The following JMJD7 variants were observed in gnomAD, a reference collection of about 807,000 sequenced individuals.
The protein encoded by JMJD7 is bifunctional peptidase and (3S)-lysyl hydroxylase JMJD7.
Under a neutral mutation model 41.1 loss-of-function variants are expected in JMJD7, and 41 were observed. The observed-to-expected ratio is 1.00, with a 90% CI of 0.78 to 1.30. JMJD7 has a LOEUF of 1.30. JMJD7 is among the 50% of genes most tolerant of loss of function. JMJD7 has a pLI of 0.00. For synonymous variants in JMJD7, 202 were observed against 177.2 expected, an observed-to-expected ratio of 1.14 and a Z score of -1.11; for missense variants, 480 against 420.7, an observed-to-expected ratio of 1.14 and a Z score of -1.23.
chr15:41,830,235 C>T (rs749208045), intron 1 of JMJD7, among the ~76,000 whole-genome samples: 1 of 152,212 alleles, frequency 6.6e-6, no homozygotes, highest in Non-Finnish European at 1.5e-5. Context: ...AAAGGTGCAA[C>T]TGGGACTTGT....
intron 1 of JMJD7, among the ~76,000 whole-genome samples, chr15:41,830,536 C>G (rs1177042911): frequency 6.6e-6 from 1 of 152,144 alleles, no homozygotes; most frequent in Non-Finnish European, 1.5e-5. Flanking sequence ...GCAATTACAG[C>G]CACCCAAGCC....
chr15:41,835,939 A>T (rs985044583), intron 4 of JMJD7: 41 of 579,236 alleles, frequency 7.1e-5, no homozygotes, highest in Non-Finnish European at 1.1e-4. Flanking sequence ...GTTGAAGAGG[A>T]GTCCAGGGCC....
chr15:41,837,114 C>T lies in JMJD7; in HGVS notation c.909C>T (p.Phe303=). Residue 303 remains phenylalanine (F), a synonymous_variant, in exon 8 of 8, where the codon TTC becomes TTT. Transcript: ENST00000397299. The part of the protein sequence containing the change: ...DMEYDLKYSY[F]QLLDSLTKAS... ...AATACGACCTCAAGTATAGTTACTT[C>T]CAGCTGCTCGACTCCCTCACCAAGG... 6.2e-7 allele frequency: 1 copy of T among 1,613,588 alleles called. No individual in the cohort carries two copies. Among genetic ancestry groups the T allele is most frequent in the East Asian group, 2.2e-5 (1 of 44,874 alleles).
At chr15:41,829,892 G>T (rs1180036183) in intron 1 of JMJD7, among the ~76,000 whole-genome samples, 4 of 152,218 alleles carry the variant, frequency 2.6e-5, no homozygotes, top group Admixed American at 6.5e-5. Context: ...AACATAGTGA[G>T]ACACCATCGT....
In JMJD7 at chr15:41,833,705, C is replaced by T. The variant is rs564986479; in HGVS notation, c.65-1035C>T. On this transcript the variant is annotated intron_variant, in intron 1 of 7. Transcript: ENST00000397299. Reference sequence around the variant, plus strand: ...AAAGTGCTGGGATTACAGACATGAGCCACCACGTCTAGCCCTAAAATATAT... The same window carrying T: ...AAAGTGCTGGGATTACAGACATGAGTCACCACGTCTAGCCCTAAAATATAT... 5.9e-5 allele frequency among the ~76,000 whole-genome samples: 9 copies of T among 152,018 alleles called. No individual in the cohort carries two copies. In the South Asian group the frequency reaches 1.9e-3, roughly 32 times the overall value.
intron 3 of JMJD7, 22 bp from the exon 4 acceptor site, chr15:41,835,566 C>T (rs746158040): frequency 4.3e-6 from 7 of 1,610,718 alleles, no homozygotes; most frequent in South Asian, 3.3e-5. Flanking sequence ...TCCTAACTTG[C>T]TCTCTGCCTT....
chr15:41,829,815 C>A (rs541499682), intron 1 of JMJD7, among the ~76,000 whole-genome samples: 2 of 152,204 alleles, frequency 1.3e-5, no homozygotes, highest in African/African-American at 4.8e-5. Flanking sequence ...CGCCTGTAAT[C>A]CTAGCACTTC....
rs538192451 is a variant in JMJD7, at chr15:41,837,401, C to T, written c.*245C>T. 3.6e-5 allele frequency: 20 copies of T among 549,304 alleles called. No homozygotes were observed. The highest frequency in any genetic ancestry group is 1.2e-4 in the South Asian group (5 of 42,934). The allele number at this position is 549,304 out of a possible 1,614,324, so 34.0% of individuals were successfully genotyped here. A position where few individuals can be genotyped will look rare whatever the true frequency, so the allele number is the denominator to read the frequency against. The stretch of plus-strand genomic sequence containing the variant: ...TGAGCAGAGTGGGGATCAGGTGCAG[C>T]GGCACCTCTCCCCAGCGCTGTGATG... On this transcript the variant is annotated 3_prime_UTR_variant, in exon 8 of 8. Coordinates refer to ENST00000397299, the MANE Select transcript of JMJD7 (RefSeq NM_001114632.2).
intron 1 of JMJD7, chr15:41,829,028 C>T (rs929921410): frequency 2.6e-5 from 4 of 152,248 alleles, no homozygotes; most frequent in Non-Finnish European, 4.4e-5. Flanking sequence ...AATACTTATT[C>T]AGCATCTCTG....
intron 1 of JMJD7, among the ~76,000 whole-genome samples, chr15:41,833,404 A>ATTT: frequency 2.4e-5 from 1 of 41,154 alleles, no homozygotes; most frequent in Non-Finnish European, 5.6e-5. Context: ...ATATATATAT[A>ATTT]TATATATATA....
At chr15:41,828,698 C>T (rs756618569) in intron 1 of JMJD7, among the ~76,000 whole-genome samples, 1 of 152,174 alleles carries the variant, frequency 6.6e-6, no homozygotes, top group Non-Finnish European at 1.5e-5. Flanking sequence ...AACACAGGCT[C>T]ATGTGTATGT....
At chr15:41,836,273 G>T in intron 5 of JMJD7, 30 bp downstream of exon 5, 1 of 1,611,344 alleles carries the variant, frequency 6.2e-7, no homozygotes, top group Non-Finnish European at 8.5e-7. Context: ...GGGAGGGGCT[G>T]GGGAACAGCT....
At chr15:41,828,257 C>CG in intron 1 of JMJD7, 69 bp downstream of exon 1, 2 of 1,444,146 alleles carry the variant, frequency 1.4e-6, no homozygotes, top group Admixed American at 3.5e-5. Flanking sequence ...CCGCTGACAC[C>CG]GGGGGCTCGG....
chr15:41,835,423 G>C (rs2065297360), intron 3 of JMJD7, among the ~76,000 whole-genome samples, 165 bp from the exon 4 acceptor site: 2 of 152,198 alleles, frequency 1.3e-5, no homozygotes, highest in African/African-American at 4.8e-5. Flanking sequence ...TTCTGCCCCA[G>C]GGAGGGAGGA....
At position 41,833,077 on chromosome 15, in the gene JMJD7, C is replaced by T. The variant is rs76508561; in HGVS notation, c.65-1663C>T. ...TCTCTAAGGAGCAGTGGTAAGCCAT[C>T]AAGGCATTTGTTACTAGGGGTGTGA... On this transcript the variant is annotated intron_variant, in intron 1 of 7. Transcript: ENST00000397299. Among the ~76,000 whole-genome samples, 46 of 152,192 alleles carry T rather than the reference C, an allele frequency of 3.0e-4. 1 individual carries two copies. In the East Asian group the frequency reaches 7.5e-3, roughly 25 times the overall value.
In JMJD7 at chr15:41,836,121, G is replaced by GC. The variant is rs768243489; in HGVS notation, c.530-22dup. On this transcript the variant is annotated intron_variant, in intron 4 of 7. Transcript: ENST00000397299. ...CCCGTGCCCCTGCCCTCCATACCCT[G>GC]CCCCCGGGCCTTCTTTCTGTTGGCA... The GC allele has an allele frequency of 1.7e-5, 27 of 1,567,846 alleles. No homozygotes were observed. The African/African-American group carries it at 2.7e-4, about 16-fold the overall frequency.
chr15:41,835,283 C>A, intron 3 of JMJD7, 60 bp downstream of exon 3: 1 of 1,547,724 alleles, frequency 6.5e-7, no homozygotes, highest in East Asian at 2.3e-5. Flanking sequence ...GGAGGGGGGT[C>A]AGCCTGTTTG....
Position 41,837,213 on chromosome 15 carries a change from T to C in JMJD7, c.*57T>C. 8.0e-7 allele frequency: 1 copy of C among 1,251,940 alleles called. No individual in the cohort carries two copies. Among genetic ancestry groups the C allele is most frequent in the South Asian group, 1.3e-5 (1 of 78,972 alleles). 77.6% of individuals were successfully genotyped at this position (1,251,940 alleles called of 1,614,324 possible). A position where few individuals can be genotyped will look rare whatever the true frequency, so the allele number is the denominator to read the frequency against. ...TCGGGGGACGGAGCCAGCCCCTCCCTGGCCAGGTCAATTCTCGAGAGAGCC... is the reference window on the plus strand; with the variant it reads ...TCGGGGGACGGAGCCAGCCCCTCCCCGGCCAGGTCAATTCTCGAGAGAGCC... On this transcript the variant is annotated 3_prime_UTR_variant, in exon 8 of 8. Transcript: ENST00000397299.
At position 41,837,278 on chromosome 15, in the gene JMJD7, G is replaced by A. The variant is rs1320253084; in HGVS notation, c.*122G>A. ...TGGCTGCTGGCCCCGGGTCCAGCAT[G>A]GCTTGAGATCAGCTTTGGAGGATCT... On this transcript the variant is annotated 3_prime_UTR_variant, in exon 8 of 8. Transcript: ENST00000397299. 1.5e-6 allele frequency: 1 copy of A among 668,284 alleles called. No homozygotes were observed. The allele number at this position is 668,284 out of a possible 1,614,324, so 41.4% of individuals were successfully genotyped here.
Sources: allele counts gnomAD v4.1 joint callset (sites outside exome capture counted in the v4.1 genomes callset), GRCh38; gene constraint gnomAD v4.1.1; transcripts MANE v1.5; gene names NCBI Gene and HGNC (gene_info 2026-07-23, HGNC 2026-07-21).